CROCC: variants seen among roughly 807,000 people sequenced by gnomAD.
The protein encoded by CROCC is rootletin.
CROCC carries 180 observed loss-of-function variants against 245.2 expected under a neutral mutation model. The ratio of observed to expected loss-of-function variants is 0.73; its 90% confidence interval spans 0.65 to 0.83. CROCC has a LOEUF of 0.83. Ranked by LOEUF, CROCC falls within the 40% of genes least tolerant of loss-of-function variation. The probability of loss-of-function intolerance (pLI) is 0.00; values close to 1 mark genes in which losing one functional copy is unlikely to be tolerated. For synonymous variants in CROCC, 1,205 were observed against 1,241.6 expected, an observed-to-expected ratio of 0.97 and a Z score of 0.62; for missense variants, 2,688 against 2,779.4, an observed-to-expected ratio of 0.97 and a Z score of 0.74.
chr1:16,940,717 T>C, intron 13 of CROCC: 1 of 240,062 alleles, frequency 4.2e-6, no homozygotes, highest in Non-Finnish European at 8.4e-6. Context: ...TCAGTTTTGT[T>C]TTGTTTTGTT....
chr1:16,951,526 T>A (rs1264163691), intron 20 of CROCC, among the ~76,000 whole-genome samples: 1 of 152,236 alleles, frequency 6.6e-6, no homozygotes, highest in African/African-American at 2.4e-5. Flanking sequence ...TTGAATCGAA[T>A]CTTGGTCGCT....
At chr1:16,942,287 C>T (rs1415413731) in intron 13 of CROCC, among the ~76,000 whole-genome samples, 2 of 152,276 alleles carry the variant, frequency 1.3e-5, no homozygotes, top group African/African-American at 2.4e-5. Flanking sequence ...TGTGAGCCAT[C>T]ACGCCAGGCA....
rs1461005663 is a variant in CROCC, at chr1:16,945,952, C to T, written c.2137-307C>T. On this transcript the variant is annotated intron_variant, in intron 15 of 36. Transcript: ENST00000375541. The stretch of plus-strand genomic sequence containing the variant: ...AGAGGGTCCTTGGCAGGGGGGCCTG[C>T]GCTGTCCGCTGCAGCCTGGGCTCTG... Among the ~76,000 whole-genome samples the T allele has an allele frequency of 6.6e-5, 10 of 152,392 alleles. 1 individual carries two copies. The South Asian group carries it at 1.7e-3, about 25-fold the overall frequency.
At position 16,922,092 on chromosome 1, in the gene CROCC, G is replaced by C. The variant is rs2075420159; in HGVS notation, c.60+14G>C. ...ACGGTTATCCAGGTGGGTCCTGGGG[G>C]CTGTGCCCACCCTGTCTGGGGCGGG... On this transcript the variant is annotated intron_variant, in intron 1 of 36. Coordinates refer to ENST00000375541, the MANE Select transcript of CROCC (RefSeq NM_014675.5). The C allele has an allele frequency of 1.2e-5, 18 of 1,539,558 alleles. No individual in the cohort carries two copies. Among genetic ancestry groups the C allele is most frequent in the Non-Finnish European group, 1.2e-5 (14 of 1,141,032 alleles).
chr1:16,939,864 C>G, intron 12 of CROCC, 30 bp from the exon 13 acceptor site: 1 of 1,609,734 alleles, frequency 6.2e-7, no homozygotes, highest in Non-Finnish European at 8.5e-7. Flanking sequence ...TCTCAGGCCC[C>G]CCCAGACTCT....
At position 16,972,599 on chromosome 1, in the gene CROCC, T is replaced by C; in HGVS notation, c.*153T>C. ...TGCTGGCAGTGCTGAGGACGGGTAC[T>C]CCAGCTCCAGGCCTGGAGAGGCTTC... On this transcript the variant is annotated 3_prime_UTR_variant, in exon 37 of 37. Transcript: ENST00000375541. 1.8e-6 allele frequency: 1 copy of C among 557,464 alleles called. No homozygotes were observed. The highest frequency in any genetic ancestry group is 3.3e-5 in the East Asian group (1 of 30,334). 34.5% of individuals were successfully genotyped at this position (557,464 alleles called of 1,614,324 possible).
rs1300831936 is a variant in CROCC at position 16,930,031 on chromosome 1, G to C, written c.537G>C (p.Lys179Asn). 6.4e-7 allele frequency: 1 copy of C among 1,572,792 alleles called. No individual in the cohort carries two copies. Among genetic ancestry groups the C allele is most frequent in the East Asian group, 2.3e-5 (1 of 43,880 alleles). ...QAQLVQRLQG[K>N]ILQYKKRCSE... ...AGCTTGTGCAGCGGCTGCAGGGCAA[G>C]GTCAGGACCACCCACTCCTGCTCCT... The change falls in exon 4 of 37, where the codon AAG (lysine) becomes AAC (asparagine). Residue 179 changes from lysine (K) to asparagine (N), a missense_variant and splice_region_variant. Lys to Asn is a moderately conservative substitution (Grantham distance 94). Transcript: ENST00000375541.
chr1:16,955,459 C>T lies in CROCC; in HGVS notation c.3613C>T (p.Leu1205=). 6.3e-7 allele frequency: 1 copy of T among 1,592,262 alleles called. No homozygotes were observed. The highest frequency in any genetic ancestry group is 1.1e-5 in the South Asian group (1 of 89,294). ...GGAGGCAGGCGAGCTGCGACGCAGCCTGGGCGAGGGTGCCAAGGAGCGCGA... is the reference window on the plus strand; with the variant it reads ...GGAGGCAGGCGAGCTGCGACGCAGCTTGGGCGAGGGTGCCAAGGAGCGCGA... ...RQEAGELRRS[L]GEGAKEREAL... The change falls in exon 24 of 37, where the codon CTG becomes TTG. Residue 1205 remains leucine, a synonymous_variant. Coordinates refer to ENST00000375541, the MANE Select transcript of CROCC (RefSeq NM_014675.5).
At chr1:16,967,358 C>T (rs7512604) in intron 30 of CROCC, among the ~76,000 whole-genome samples, 5,068 of 152,292 alleles carry the variant, frequency 0.033, 309 homozygotes, top group African/African-American at 0.11. Flanking sequence ...CTGCCCTCCC[C>T]AGCCTGTCCC....
intron 36 of CROCC, 139 bp downstream of exon 36, chr1:16,971,786 G>C: frequency 1.1e-6 from 1 of 882,496 alleles, no homozygotes. Context: ...CTCTGCGCTG[G>C]TGTCAGCCAA....
chr1:16,954,756 C>A lies in CROCC; in HGVS notation c.3344C>A (p.Ser1115Tyr). ...QDRSTVNALTSELRDLRAQRE... is the reference protein window; with the variant it reads ...QDRSTVNALTYELRDLRAQRE... ...CAGAGCACCGTGAACGCTCTGACGT[C>A]TGAGCTGCGGGACCTACGGGCCCAG... The change falls in exon 23 of 37, where the codon TCT (serine) becomes TAT (tyrosine). Residue 1115 changes from serine to tyrosine, a missense_variant. Coordinates refer to ENST00000375541, the MANE Select transcript of CROCC (RefSeq NM_014675.5). This position sits in a 1 kb window ranked among gnomAD's most constrained non-coding sequence, Gnocchi z 4.4. 6.4e-7 allele frequency: 1 copy of A among 1,556,582 alleles called. No individual in the cohort carries two copies.
intron 14 of CROCC, 129 bp downstream of exon 14, chr1:16,944,411 G>A (rs1158608971): frequency 2.3e-5 from 25 of 1,078,396 alleles, no homozygotes; most frequent in Middle Eastern, 3.0e-4. Flanking sequence ...CTCCGATGTC[G>A]GGTTTTCTAA....
In CROCC at chr1:16,944,279, G is replaced by T. The variant is rs1293938925; in HGVS notation, c.1988G>T (p.Arg663Leu). The change falls in exon 14 of 37, where the codon CGC becomes CTC. Residue 663 changes from arginine to leucine, a missense_variant. Physicochemically the swap from Arg to Leu is moderately radical, Grantham distance 102. This residue lies in a region of CROCC where 972 missense variants were observed against 895.3 expected (regional missense o/e 1.09). Coordinates refer to ENST00000375541, the MANE Select transcript of CROCC (RefSeq NM_014675.5). ...GCGCGGGTGCGCCGGGAGCTTGAGCGCAGGTGAGCAGCATCTCGCCACCCT... is the reference window on the plus strand; with the variant it reads ...GCGCGGGTGCGCCGGGAGCTTGAGCTCAGGTGAGCAGCATCTCGCCACCCT... Reference protein sequence around the residue: ...DGARVRRELERSHRQLEQLEG... With the variant: ...DGARVRRELELSHRQLEQLEG... 4 of 1,533,416 alleles carry T rather than the reference G, an allele frequency of 2.6e-6. No homozygotes were observed. Among genetic ancestry groups the T allele is most frequent in the Admixed American group, 4.0e-5 (2 of 50,180 alleles). 95.0% of individuals were successfully genotyped at this position (1,533,416 alleles called of 1,614,324 possible).
Position 16,939,960 on chromosome 1 carries a change from A to G in CROCC, c.1675A>G (p.Ser559Gly), listed in dbSNP as rs2075888877. The G allele has an allele frequency of 6.2e-7, 1 of 1,612,644 alleles. No homozygotes were observed. The highest frequency in any genetic ancestry group is 8.5e-7 in the Non-Finnish European group (1 of 1,179,810). ...LGTLRKQLSD[S>G]ESERRALEEQ... ...CACCCTGCGGAAGCAGCTTAGCGAC[A>G]GCGAGAGCGAGCGGCGGGCCCTAGA... Residue 559 changes from serine (S) to glycine (G), a missense_variant, in exon 13 of 37, where the codon AGC (serine) becomes GGC (glycine). Physicochemically the swap from Ser to Gly is moderately conservative, Grantham distance 56. Transcript: ENST00000375541.
intron 17 of CROCC, 104 bp from the exon 18 acceptor site, chr1:16,948,227 C>T: frequency 6.9e-7 from 1 of 1,440,014 alleles, no homozygotes; most frequent in South Asian, 1.5e-5. Context: ...GGGCTCAAAC[C>T]CAGGCCTTCT....
In CROCC at chr1:16,931,279, T is replaced by C; in HGVS notation, c.850-12T>C. 1 of 1,604,818 alleles carries C rather than the reference T, an allele frequency of 6.2e-7. No individual in the cohort carries two copies. Among genetic ancestry groups the C allele is most frequent in the Non-Finnish European group, 8.5e-7 (1 of 1,173,066 alleles). ...TCACACCAACCCTTCCCTCGGCATG[T>C]CTTCCCTCCAGTCCTTCAACGCCTA... On this transcript the variant is annotated splice_polypyrimidine_tract_variant and intron_variant, in intron 7 of 36. Transcript: ENST00000375541.
rs1270768610 is a variant in CROCC, at chr1:16,972,533, C to G, written c.*87C>G. On this transcript the variant is annotated 3_prime_UTR_variant, in exon 37 of 37. Coordinates refer to ENST00000375541, the MANE Select transcript of CROCC (RefSeq NM_014675.5). ...ACAGCCCCCCCACCCAGAGCCCGGT[C>G]CCTTGGGGGCCTCAAGCTGGGGTGG... 1.2e-6 allele frequency: 1 copy of G among 852,224 alleles called. No homozygotes were observed. The highest frequency in any genetic ancestry group is 1.8e-6 in the Non-Finnish European group (1 of 562,888). The allele number at this position is 852,224 out of a possible 1,614,324, so 52.8% of individuals were successfully genotyped here.
chr1:16,965,632 G>A (rs2076403239), intron 27 of CROCC, 91 bp from the exon 28 acceptor site: 4 of 947,042 alleles, frequency 4.2e-6, no homozygotes, highest in Non-Finnish European at 6.6e-6. Flanking sequence ...TGATTCTGAG[G>A]GCTGTTGGGA....
upstream of CROCC, among the ~76,000 whole-genome samples, chr1:16,920,941 A>C (rs1199626357): frequency 6.6e-6 from 1 of 152,228 alleles, no homozygotes; most frequent in East Asian, 1.9e-4. Context: ...ACGGGGTTTC[A>C]CCATATTGGT....
Sources: allele counts gnomAD v4.1 joint callset (sites outside exome capture counted in the v4.1 genomes callset), GRCh38; gene constraint gnomAD v4.1.1; regional missense constraint gnomAD v4.1.1; non-coding constraint Gnocchi (gnomAD v3.1); transcripts MANE v1.5; gene names NCBI Gene and HGNC (gene_info 2026-07-23, HGNC 2026-07-21).